The following ANKZF1 variants were observed in gnomAD, a reference collection of about 807,000 sequenced individuals.
ANKZF1 encodes the protein tRNA endonuclease ANKZF1.
A neutral mutation model predicts 86.0 loss-of-function variants in ANKZF1; 84 were observed. The observed-to-expected ratio is 0.98, with a 90% CI of 0.82 to 1.17. ANKZF1 has a LOEUF of 1.17. ANKZF1 is among the 50% of genes most tolerant of loss of function. The pLI is 0.00. For missense variants in ANKZF1, 893 were observed against 918.4 expected, an observed-to-expected ratio of 0.97 and a Z score of 0.36; for synonymous variants, 331 against 354.2, an observed-to-expected ratio of 0.93 and a Z score of 0.74.
Position 219,235,868 on chromosome 2 carries a change from G to T in ANKZF1, c.1964G>T (p.Arg655Leu), listed in dbSNP as rs759912179. Residue 655 changes from arginine (R) to leucine (L), a missense_variant, in exon 12 of 14, where the codon CGA (arginine) becomes CTA (leucine). Coordinates refer to ENST00000323348, the MANE Select transcript of ANKZF1 (RefSeq NM_018089.3). ...EQRRFAALSD[R>L]EKRALAAERR... ...CGGCGATTTGCCGCCCTCAGTGACC[G>T]AGAGAAGGTGAGGCTGGAGGTTCTC... 3 of 1,614,170 alleles carry T rather than the reference G, an allele frequency of 1.9e-6. No individual in the cohort carries two copies. Among genetic ancestry groups the T allele is most frequent in the Non-Finnish European group, 2.5e-6 (3 of 1,180,016 alleles).
Position 219,236,661 on chromosome 2 carries a change from G to C in ANKZF1, c.*216G>C, listed in dbSNP as rs1951248387. ...AAAGTTTGGCAAGGAATGTGTACTT[G>C]TACTTACATTCAGAGGCACTGTGGC... is the stretch of plus-strand genomic sequence containing the variant. On this transcript the variant is annotated 3_prime_UTR_variant, in exon 14 of 14. Transcript: ENST00000323348. 1 of 606,270 alleles carries C rather than the reference G, an allele frequency of 1.6e-6. No individual in the cohort carries two copies. The highest frequency in any genetic ancestry group is 3.7e-5 in the Admixed American group (1 of 26,838). The allele number at this position is 606,270 out of a possible 1,614,324, so 37.6% of individuals were successfully genotyped here.
chr2:219,234,976 C>T lies in ANKZF1; in HGVS notation c.1355C>T (p.Ala452Val). The change falls in exon 10 of 14, where the codon GCT (alanine) becomes GTT (valine). Residue 452 changes from alanine to valine, a missense_variant. Physicochemically the swap from Ala to Val is moderately conservative, Grantham distance 64. Transcript: ENST00000323348. ...NKKEKSRDQE[A>V]GAHRTLLQQT... is the part of the protein sequence containing the mutation. ...AAGGAGAAAAGCCGAGACCAGGAGG[C>T]TGGGGCACATCGGACTCTTCTCCAG... 1.2e-6 allele frequency: 2 copies of T among 1,614,254 alleles called. No homozygotes were observed. Among genetic ancestry groups the T allele is most frequent in the Non-Finnish European group, 1.7e-6 (2 of 1,180,044 alleles).
rs199508320 is a variant in ANKZF1 at position 219,232,490 on chromosome 2, G to C, written c.365G>C (p.Gly122Ala). The change falls in exon 5 of 14, where the codon GGA (glycine) becomes GCA (alanine). Residue 122 changes from glycine to alanine, a missense_variant and splice_region_variant. Transcript: ENST00000323348. ...ALDFEKQSSTGDLSSISGSED... is the reference protein window; with the variant it reads ...ALDFEKQSSTADLSSISGSED... The stretch of plus-strand genomic sequence containing the variant: ...TGTATCTCATATTGTCTGTCTTCAG[G>C]AGATCTTTCCAGCATCTCGGGATCA... The C allele has an allele frequency of 8.7e-6, 14 of 1,614,110 alleles. No homozygotes were observed. In the Admixed American group the frequency reaches 2.0e-4, roughly 23 times the overall value.
Position 219,230,382 on chromosome 2 carries a change from G to A in ANKZF1, c.125G>A (p.Arg42Gln). Residue 42 changes from arginine to glutamine, a missense_variant, in exon 2 of 14, where the codon CGG (arginine) becomes CAG (glutamine). Arg to Gln is a conservative substitution (Grantham distance 43, BLOSUM62 1). Transcript: ENST00000323348. ...VSHAPGEALARAPRTSCSGSG... is the reference protein window; with the variant it reads ...VSHAPGEALAQAPRTSCSGSG... Reference sequence around the variant, plus strand: ...CACGCGCCTGGGGAGGCTCTGGCCCGGGCTCCGCGTACTTCCTGTTCAGGT... The same window carrying A: ...CACGCGCCTGGGGAGGCTCTGGCCCAGGCTCCGCGTACTTCCTGTTCAGGT... 6.2e-7 allele frequency: 1 copy of A among 1,611,384 alleles called. No homozygotes were observed. The highest frequency in any genetic ancestry group is 1.7e-4 in the Middle Eastern group (1 of 6,052).
chr2:219,236,185 A>G, intron 13 of ANKZF1, 90 bp downstream of exon 13: 1 of 1,601,102 alleles, frequency 6.2e-7, no homozygotes, highest in Non-Finnish European at 8.6e-7. Context: ...CAGTATTCAG[A>G]AGGGTGGTTG....
chr2:219,235,261 G>A lies in ANKZF1; in HGVS notation c.1640G>A (p.Arg547Lys). ...CTGCATGCAGCAGCTGCAGCTGGAA[G>A]AGGCTCAGTGGTTCGTCTGCTGCTG... ...TLLHAAAAAG[R>K]GSVVRLLLEA... The change falls in exon 10 of 14, where the codon AGA (arginine) becomes AAA (lysine). Residue 547 changes from arginine (R) to lysine (K), a missense_variant. Transcript: ENST00000323348. 1 of 1,612,414 alleles carries A rather than the reference G, an allele frequency of 6.2e-7. No homozygotes were observed. The highest frequency in any genetic ancestry group is 8.5e-7 in the Non-Finnish European group (1 of 1,180,018).
rs1951077894 is a variant in ANKZF1, at chr2:219,232,628, A to G, written c.503A>G (p.Gln168Arg). 6.2e-7 allele frequency: 1 copy of G among 1,614,188 alleles called. No homozygotes were observed. The highest frequency in any genetic ancestry group is 2.2e-5 in the East Asian group (1 of 44,878). Residue 168 changes from glutamine (Q) to arginine (R), a missense_variant, in exon 5 of 14, where the codon CAG (glutamine) becomes CGG (arginine). Coordinates refer to ENST00000323348, the MANE Select transcript of ANKZF1 (RefSeq NM_018089.3). Reference sequence around the variant, plus strand: ...TTTTACCCTCATCGAGTTCTTTTCCAGAATGCCCAGGGCCAGTTTCTTTAT... The same window carrying G: ...TTTTACCCTCATCGAGTTCTTTTCCGGAATGCCCAGGGCCAGTTTCTTTAT... ...PGFYPHRVLF[Q>R]NAQGQFLYAY...
chr2:219,235,670 A>G (rs779003147), intron 11 of ANKZF1, 38 bp from the exon 12 acceptor site: 8 of 1,611,510 alleles, frequency 5.0e-6, no homozygotes, highest in East Asian at 4.5e-5. Context: ...AGTTTTACCA[A>G]AGATAACTTA....
chr2:219,230,172 G>C, intron 1 of ANKZF1, 56 bp from the exon 2 acceptor site: 1 of 1,477,964 alleles, frequency 6.8e-7, no homozygotes, highest in South Asian at 1.3e-5. Context: ...GGCAGGAGAC[G>C]CAGCAGTAGG....
chr2:219,235,747 G>C lies in ANKZF1; in HGVS notation c.1843G>C (p.Ala615Pro). The change falls in exon 12 of 14, where the codon GCT (alanine) becomes CCT (proline). Residue 615 changes from alanine (A) to proline (P), a missense_variant. By Grantham distance (27) the Ala-to-Pro change is conservative (BLOSUM62 -1). Coordinates refer to ENST00000323348, the MANE Select transcript of ANKZF1 (RefSeq NM_018089.3). ...PLTPEMEARQ[A>P]TRKREQKAAR... is the part of the protein sequence containing the mutation. ...GACACCAGAAATGGAGGCACGGCAG[G>C]CTACACGGAAAAGGGAGCAGAAGGC... 1.9e-6 allele frequency: 3 copies of C among 1,614,168 alleles called. No individual in the cohort carries two copies. The highest frequency in any genetic ancestry group is 2.2e-5 in the South Asian group (2 of 91,086).
rs995703531 is a variant in ANKZF1 at position 219,236,091 on chromosome 2, A to G, written c.2053A>G (p.Thr685Ala). 16 of 1,613,872 alleles carry G rather than the reference A, an allele frequency of 9.9e-6. No homozygotes were observed. The African/African-American group carries it at 2.0e-4, about 20-fold the overall frequency. ...SPIPDSAIVN[T>A]RRCWSCGASL... ...AATCCCTGACTCTGCAATCGTCAAT[A>G]CTCGGTATGGGGTGCGGGATGAGGG... Residue 685 changes from threonine (T) to alanine (A), a missense_variant, in exon 13 of 14, where the codon ACT (threonine) becomes GCT (alanine). Thr to Ala is a moderately conservative substitution (Grantham distance 58). Transcript: ENST00000323348.
At position 219,234,269 on chromosome 2, in the gene ANKZF1, T is replaced by A. The variant is rs748954117; in HGVS notation, c.1185T>A (p.Asn395Lys). ...ATGAAAAGGAAGCGCTGGGGCAGAA[T>A]GAGGAATCTCCCAAACAGGGTTTGA... ...CRDEKEALGQ[N>K]EESPKQGSGS... Residue 395 changes from asparagine (N) to lysine (K), a missense_variant, in exon 9 of 14, where the codon AAT becomes AAA. By Grantham distance (94) the Asn-to-Lys change is moderately conservative. Coordinates refer to ENST00000323348, the MANE Select transcript of ANKZF1 (RefSeq NM_018089.3). 1.2e-6 allele frequency: 2 copies of A among 1,613,928 alleles called. No homozygotes were observed. Among genetic ancestry groups the A allele is most frequent in the East Asian group, 2.2e-5 (1 of 44,882 alleles).
At chr2:219,231,838 C>G in intron 2 of ANKZF1, 90 bp from the exon 3 acceptor site, 1 of 1,073,936 alleles carries the variant, frequency 9.3e-7, no homozygotes, top group Non-Finnish European at 1.4e-6. Flanking sequence ...TTGTATCCTC[C>G]TCTGCTTTGT....
Position 219,232,592 on chromosome 2 carries a change from G to A in ANKZF1, c.467G>A (p.Arg156Gln), listed in dbSNP as rs373389031. Residue 156 changes from arginine (R) to glutamine (Q), a missense_variant, in exon 5 of 14, where the codon CGA becomes CAA. Arg to Gln is a conservative substitution (Grantham distance 43, BLOSUM62 1). Transcript: ENST00000323348. ...RERATFEKLS[R>Q]PPGFYPHRVL... ...AGGGCTACATTTGAGAAGTTGAGCC[G>A]ACCCCCAGGCTTTTACCCTCATCGA... 4.3e-5 allele frequency: 70 copies of A among 1,614,172 alleles called. No homozygotes were observed. The highest frequency in any genetic ancestry group is 5.5e-5 in the South Asian group (5 of 91,080).
At position 219,234,256 on chromosome 2, in the gene ANKZF1, C is replaced by T. The variant is rs377499778; in HGVS notation, c.1172C>T (p.Ala391Val). The T allele has an allele frequency of 1.1e-4, 177 of 1,613,794 alleles. No homozygotes were observed. The highest frequency in any genetic ancestry group is 1.4e-4 in the Non-Finnish European group (165 of 1,180,028). The change falls in exon 9 of 14, where the codon GCG (alanine) becomes GTG (valine). Residue 391 changes from alanine to valine, a missense_variant. By Grantham distance (64) the Ala-to-Val change is moderately conservative. Coordinates refer to ENST00000323348, the MANE Select transcript of ANKZF1 (RefSeq NM_018089.3). ...IRKICRDEKE[A>V]LGQNEESPKQ... is the part of the protein sequence containing the mutation. ...AAGATCTGCAGGGATGAAAAGGAAG[C>T]GCTGGGGCAGAATGAGGAATCTCCC...
At chr2:219,234,520 G>A in intron 9 of ANKZF1, 1 of 651,706 alleles carries the variant, frequency 1.5e-6, no homozygotes, top group Non-Finnish European at 2.6e-6. Context: ...GCGTGGATGT[G>A]TTGCATGGAT....
Position 219,236,622 on chromosome 2 carries a change from ATT to A in ANKZF1, c.*180_*181del, listed in dbSNP as rs1951247047. The A allele has an allele frequency of 1.2e-6, 1 of 821,284 alleles. No homozygotes were observed. Among genetic ancestry groups the A allele is most frequent in the Non-Finnish European group, 1.8e-6 (1 of 551,100 alleles). 50.9% of individuals were successfully genotyped at this position (821,284 alleles called of 1,614,324 possible). A position where few individuals can be genotyped will look rare whatever the true frequency, so the allele number is the denominator to read the frequency against. On this transcript the variant is annotated 3_prime_UTR_variant, in exon 14 of 14. Coordinates refer to ENST00000323348, the MANE Select transcript of ANKZF1 (RefSeq NM_018089.3). ...ATGTGGAGCTGGTACTGTCTCTGGAATTTTAATCACAATAAAGTTTGGCAAGG... is the reference window on the plus strand; with the variant it reads ...ATGTGGAGCTGGTACTGTCTCTGGAATTAATCACAATAAAGTTTGGCAAGG...
rs1431232035 is a variant in ANKZF1, at chr2:219,233,867, C to T, written c.972C>T (p.Ile324=). 3 of 1,612,104 alleles carry T rather than the reference C, an allele frequency of 1.9e-6. No individual in the cohort carries two copies. The highest frequency in any genetic ancestry group is 2.5e-6 in the Non-Finnish European group (3 of 1,179,234). ...LQRGDPRLWD[I]PLATRRPTFQ... is the part of the protein sequence containing the mutation. ...GGGGGGATCCCCGACTTTGGGATAT[C>T]CCCCTCGCCACCCGCAGACCCACCT... Residue 324 remains isoleucine (I), a synonymous_variant, in exon 8 of 14, where the codon ATC becomes ATT. Transcript: ENST00000323348.
At chr2:219,234,584 C>G in intron 9 of ANKZF1, 1 of 658,620 alleles carries the variant, frequency 1.5e-6, no homozygotes, top group South Asian at 2.0e-5. Flanking sequence ...AGGGCTGCTT[C>G]CATGCTTTCC....
Sources: gnomAD v4.1 joint callset for allele counts on GRCh38, gnomAD v4.1.1 for gene constraint, MANE v1.5 for transcripts, NCBI Gene and HGNC (gene_info 2026-07-23, HGNC 2026-07-21) for gene names.